C3orf52: variants seen among roughly 807,000 people sequenced by gnomAD.
C3orf52 encodes the protein chromosome 3 open reading frame 52, also known as TPA-induced transmembrane protein.
C3orf52 carries 22 observed loss-of-function variants against 24.8 expected under a neutral mutation model. That is an observed-to-expected ratio of 0.89 (90% CI 0.63 to 1.27). C3orf52 has a LOEUF of 1.27. Ranked by LOEUF, C3orf52 falls within the 50% of genes most tolerant of loss-of-function variation. The pLI is 0.00. For synonymous variants in C3orf52, 93 were observed against 100.2 expected (o/e 0.93, Z 0.43); for missense variants, 265 against 260.7 (o/e 1.02, Z -0.11).
Position 112,117,309 on chromosome 3 carries a change from C to T in C3orf52, c.*663C>T, listed in dbSNP as rs568778434. On this transcript the variant is annotated 3_prime_UTR_variant, in exon 6 of 6. Coordinates refer to ENST00000264848, the MANE Select transcript of C3orf52 (RefSeq NM_024616.3). The stretch of plus-strand genomic sequence containing the variant: ...ACTTCCATGACCTGTACCTGAGTAT[C>T]TTAGCCAGCCAGCCTTAGGAACACC... The T allele has an allele frequency of 7.1e-6, 2 of 281,458 alleles. No individual in the cohort carries two copies. Among genetic ancestry groups the T allele is most frequent in the East Asian group, 1.2e-4 (2 of 16,326 alleles). The allele number at this position is 281,458 out of a possible 1,614,324, so 17.4% of individuals were successfully genotyped here.
At chr3:112,135,832 A>G (rs768487239), downstream of C3orf52, among the ~76,000 whole-genome samples, 7 of 152,206 alleles carry the variant, frequency 4.6e-5, no homozygotes, top group East Asian at 7.7e-4. Flanking sequence ...AAGCTATCTG[A>G]CGCTAATGAC....
At chr3:112,089,188 T>C (rs2073855191) in intron 1 of C3orf52, among the ~76,000 whole-genome samples, 1 of 152,200 alleles carries the variant, frequency 6.6e-6, no homozygotes, top group Non-Finnish European at 1.5e-5. Flanking sequence ...GCAACATCAT[T>C]TGAATAATAA....
intron 4 of C3orf52, among the ~76,000 whole-genome samples, chr3:112,123,928 C>T (rs1289670620): frequency 1.3e-5 from 2 of 152,124 alleles, no homozygotes; most frequent in Admixed American, 1.3e-4. Context: ...CTGCTTCTAC[C>T]CCAACCACTA....
chr3:112,120,203 C>A (rs1036954320), downstream of C3orf52, among the ~76,000 whole-genome samples: 1 of 152,236 alleles, frequency 6.6e-6, no homozygotes, highest in Non-Finnish European at 1.5e-5. Flanking sequence ...ACACTCAGAT[C>A]AAGTGGGTTT....
In C3orf52 at chr3:112,117,090, T is replaced by C. The variant is rs2074141727; in HGVS notation, c.*444T>C. 1 of 642,800 alleles carries C rather than the reference T, an allele frequency of 1.6e-6. No homozygotes were observed. Among genetic ancestry groups the C allele is most frequent in the African/African-American group, 1.8e-5 (1 of 54,870 alleles). The allele number at this position is 642,800 out of a possible 1,614,324, so 39.8% of individuals were successfully genotyped here. On this transcript the variant is annotated 3_prime_UTR_variant, in exon 6 of 6. Transcript: ENST00000264848. ...TTCTTTAGTGCAGAGGTGCACTGTC[T>C]TCTTTTAGGTGGGATCGCGTAAGCA... is the stretch of plus-strand genomic sequence containing the variant.
At chr3:112,092,880 G>A (rs2073892089) in intron 1 of C3orf52, among the ~76,000 whole-genome samples, 1 of 151,910 alleles carries the variant, frequency 6.6e-6, no homozygotes, top group Non-Finnish European at 1.5e-5. Flanking sequence ...TTTTCAACTC[G>A]GCTCTGGTGT....
rs535249992 is a variant in C3orf52, at chr3:112,109,967, C to T, written c.467+354C>T. On this transcript the variant is annotated intron_variant, in intron 4 of 5. Coordinates refer to ENST00000264848, the MANE Select transcript of C3orf52 (RefSeq NM_024616.3). ...AGGTCGTGCTGTGATGCGAGTGATA[C>T]ATGTATAGGCATTTGCTTTTGAGGA... is the stretch of plus-strand genomic sequence containing the variant. The T allele has an allele frequency of 8.2e-5, 17 of 207,048 alleles. No homozygotes were observed. The East Asian group carries it at 1.6e-3, about 19-fold the overall frequency. The allele number at this position is 207,048 out of a possible 1,614,324, so 12.8% of individuals were successfully genotyped here.
At chr3:112,131,381 T>TG (rs1167452644), downstream of C3orf52, among the ~76,000 whole-genome samples, 2 of 152,064 alleles carry the variant, frequency 1.3e-5, no homozygotes, top group African/African-American at 2.4e-5. Flanking sequence ...GAGACACGGT[T>TG]GGGGGGGTAT....
chr3:112,123,754 AGGTCT>A, intron 4 of C3orf52: 1 of 1,612,980 alleles, frequency 6.2e-7, no homozygotes, highest in South Asian at 1.1e-5. Context: ...TCCTCTGAGT[AGGTCT>A]GGTCAACATT....
chr3:112,087,915 C>T (rs1386114268), intron 1 of C3orf52, among the ~76,000 whole-genome samples: 2 of 152,188 alleles, frequency 1.3e-5, no homozygotes, highest in African/African-American at 2.4e-5. Context: ...AAGCCTGTCC[C>T]GTAGTGGTAA....
downstream of C3orf52, chr3:112,129,538 C>T (rs1430905355): frequency 6.6e-6 from 1 of 152,164 alleles, no homozygotes; most frequent in African/African-American, 2.4e-5. Flanking sequence ...TTTGAGGTAT[C>T]TGTCTCTTTC....
chr3:112,105,984 G>C (rs2074019815), intron 3 of C3orf52, among the ~76,000 whole-genome samples: 1 of 152,102 alleles, frequency 6.6e-6, no homozygotes, highest in South Asian at 2.1e-4. Flanking sequence ...TCACATTTAT[G>C]GGCACACTGT....
chr3:112,125,608 G>A (rs1003279831), intron 4 of C3orf52, among the ~76,000 whole-genome samples: 1 of 152,174 alleles, frequency 6.6e-6, no homozygotes, highest in African/African-American at 2.4e-5. Context: ...TCTGCACCAG[G>A]CACTGGGGAG....
intron 4 of C3orf52, chr3:112,127,946 G>A (rs1216065746): frequency 1.5e-6 from 2 of 1,319,892 alleles, no homozygotes; most frequent in African/African-American, 1.4e-5. Context: ...ACAGTCACAG[G>A]TAACTTACAG....
At chr3:112,112,622 A>G (rs934714262) in intron 4 of C3orf52, among the ~76,000 whole-genome samples, 1 of 152,200 alleles carries the variant, frequency 6.6e-6, no homozygotes, top group Non-Finnish European at 1.5e-5. Context: ...TAAGGGATGA[A>G]GGCTGGGGTT....
chr3:112,100,665 A>G (rs1201910166), intron 2 of C3orf52, among the ~76,000 whole-genome samples: 1 of 152,180 alleles, frequency 6.6e-6, no homozygotes, highest in Non-Finnish European at 1.5e-5. Flanking sequence ...GATATCTATT[A>G]TGGAAATCTA....
At chr3:112,133,056 A>AT, downstream of C3orf52, 1 of 1,605,882 alleles carries the variant, frequency 6.2e-7, no homozygotes, top group Non-Finnish European at 8.5e-7. Flanking sequence ...GTCCTGTCCC[A>AT]TCTCCTCTGC....
intron 4 of C3orf52, among the ~76,000 whole-genome samples, chr3:112,126,591 T>C (rs2074325740): frequency 6.6e-6 from 1 of 152,198 alleles, no homozygotes; most frequent in Admixed American, 6.5e-5. Flanking sequence ...GCCTCCCCAC[T>C]GTGTAAAGCC....
chr3:112,123,606 G>T, intron 4 of C3orf52: 1 of 1,614,080 alleles, frequency 6.2e-7, no homozygotes, highest in Non-Finnish European at 8.5e-7. Flanking sequence ...ATGTAGAAGT[G>T]AATACTCAGT....
Sources: allele counts gnomAD v4.1 joint callset (sites outside exome capture counted in the v4.1 genomes callset), GRCh38; gene constraint gnomAD v4.1.1; transcripts MANE v1.5; gene names NCBI Gene and HGNC (gene_info 2026-07-23, HGNC 2026-07-21).